Variants in SYT16 observed in about 807,000 individuals in gnomAD.
The protein encoded by SYT16 is synaptotagmin 16.
SYT16 carries 42 observed loss-of-function variants against 61.4 expected under a neutral mutation model. That is an observed-to-expected ratio of 0.68 (90% CI 0.53 to 0.89). The LOEUF (loss-of-function observed/expected upper bound fraction) is 0.89, where lower values mean the gene tolerates loss of function less well. SYT16 is among the 40% of genes least tolerant of loss of function. The pLI is 0.00. For missense variants in SYT16, 804 were observed against 807.3 expected (o/e 1.00, Z 0.05); for synonymous variants, 314 against 302.3 (o/e 1.04, Z -0.40).
intron 3 of SYT16, among the ~76,000 whole-genome samples, chr14:62,061,221 A>G (rs1259333541): frequency 6.6e-6 from 1 of 152,094 alleles, no homozygotes; most frequent in Admixed American, 6.5e-5. Flanking sequence ...CCCTAGAACA[A>G]CCGTTGACAG....
chr14:61,889,588 CCCTCTCTCTCTCTCTCT>C (rs1566655441), intron 1 of SYT16, among the ~76,000 whole-genome samples: 8 of 148,010 alleles, frequency 5.4e-5, no homozygotes, highest in African/African-American at 2.0e-4. Flanking sequence ...CGCTCTTGCT[CCCTCTCTCTCTCTCTCT>C]GTCTCCCTCC....
chr14:61,864,438 C>T (rs1305006988), intron 1 of SYT16, among the ~76,000 whole-genome samples: 1 of 152,248 alleles, frequency 6.6e-6, no homozygotes, highest in Non-Finnish European at 1.5e-5. Context: ...CAGACACGTG[C>T]TAGTCGTGGG....
At chr14:62,011,459 C>G (rs959481286) in intron 3 of SYT16, among the ~76,000 whole-genome samples, 6 of 152,134 alleles carry the variant, frequency 3.9e-5, no homozygotes, top group Admixed American at 6.5e-5. Flanking sequence ...GCTTGATTCA[C>G]GTGGCTTGAC....
At chr14:61,841,580 T>C (rs1191738093) in intron 1 of SYT16, among the ~76,000 whole-genome samples, 1 of 152,188 alleles carries the variant, frequency 6.6e-6, no homozygotes, top group Non-Finnish European at 1.5e-5. Flanking sequence ...GTATTACATG[T>C]GTAATGGTGG....
At chr14:61,865,871 C>A (rs989627682) in intron 1 of SYT16, among the ~76,000 whole-genome samples, 3 of 151,984 alleles carry the variant, frequency 2.0e-5, no homozygotes, top group Non-Finnish European at 4.4e-5. Flanking sequence ...AGTCAAAATG[C>A]TTTCTAAATC....
In SYT16 at chr14:61,938,518, C is replaced by A. The variant is rs142482841; in HGVS notation, c.-324-31614C>A. Among the ~76,000 whole-genome samples the A allele has an allele frequency of 4.9e-3, 739 of 152,204 alleles. 8 individuals are homozygous for A. Among genetic ancestry groups the A allele is most frequent in the African/African-American group, 0.016 (679 of 41,538 alleles). Reference sequence around the variant, plus strand: ...GGCCTAGAAATGAATAAATAATGCTCTCTCCAGGGCAATGCGCTGAGGTTG... The same window carrying A: ...GGCCTAGAAATGAATAAATAATGCTATCTCCAGGGCAATGCGCTGAGGTTG... On this transcript the variant is annotated intron_variant, in intron 1 of 7. Transcript: ENST00000683842.
At chr14:61,947,682 TATG>T (rs978326777) in intron 1 of SYT16, among the ~76,000 whole-genome samples, 6 of 152,194 alleles carry the variant, frequency 3.9e-5, no homozygotes, top group African/African-American at 1.4e-4. Flanking sequence ...GCATCAGGAA[TATG>T]ATGATGAATA....
intron 1 of SYT16, among the ~76,000 whole-genome samples, chr14:61,933,928 C>CAT (rs1316573657): frequency 6.6e-6 from 1 of 151,956 alleles, no homozygotes; most frequent in African/African-American, 2.4e-5. Context: ...TGTATATATA[C>CAT]ATATATATAC....
At chr14:61,874,544 T>C (rs558048177) in intron 1 of SYT16, among the ~76,000 whole-genome samples, 5 of 152,338 alleles carry the variant, frequency 3.3e-5, no homozygotes, top group African/African-American at 1.2e-4. Flanking sequence ...ATTTCTTTCT[T>C]GTGTCATCAC....
At chr14:61,992,096 A>G (rs1370150408) in intron 2 of SYT16, among the ~76,000 whole-genome samples, 1 of 152,124 alleles carries the variant, frequency 6.6e-6, no homozygotes, top group Non-Finnish European at 1.5e-5. Flanking sequence ...AAGACTGACA[A>G]ATATCCATTA....
chr14:61,959,602 G>T (rs563949775), intron 1 of SYT16, among the ~76,000 whole-genome samples: 1 of 152,146 alleles, frequency 6.6e-6, no homozygotes, highest in East Asian at 1.9e-4. Context: ...AATTTCTGTG[G>T]TTATAGTTAT....
Position 62,028,911 on chromosome 14 carries a change from G to T in SYT16, c.523+32369G>T, listed in dbSNP as rs114166861. Among the ~76,000 whole-genome samples the T allele has an allele frequency of 7.4e-3, 1,127 of 152,298 alleles. 10 individuals are homozygous for T. Among genetic ancestry groups the T allele is most frequent in the African/African-American group, 0.026 (1,065 of 41,566 alleles). On this transcript the variant is annotated intron_variant, in intron 3 of 7. Coordinates refer to ENST00000683842, the MANE Select transcript of SYT16 (RefSeq NM_001367656.1). ...AAAGTGTAATTCAGAAAAAGTAGGAGAAACTGAGTGGAATTTATCAGGTGA... is the reference window on the plus strand; with the variant it reads ...AAAGTGTAATTCAGAAAAAGTAGGATAAACTGAGTGGAATTTATCAGGTGA...
intron 7 of SYT16, 41 bp from the exon 8 acceptor site, chr14:62,100,353 T>G (rs2057388816): frequency 6.7e-7 from 1 of 1,498,468 alleles, no homozygotes; most frequent in Non-Finnish European, 8.9e-7. Context: ...AGCACTAATG[T>G]TTCTTATCAT....
intron 1 of SYT16, among the ~76,000 whole-genome samples, chr14:61,943,909 AG>A (rs2050314252): frequency 6.6e-6 from 1 of 152,190 alleles, no homozygotes; most frequent in Admixed American, 6.5e-5. Flanking sequence ...AAAGAAATAA[AG>A]GGTATTCAAA....
rs2047115229 is a variant in SYT16, at chr14:61,865,372, G to C, written c.-325+52562G>C. ...GAAAGGGAAACAGGGCACACAAGAA[G>C]GGGCTGCTCTCCTCATTTATGTGAT... On this transcript the variant is annotated intron_variant, in intron 1 of 7. Coordinates refer to ENST00000683842, the MANE Select transcript of SYT16 (RefSeq NM_001367656.1). 3 of 642,268 alleles carry C rather than the reference G, an allele frequency of 4.7e-6. No homozygotes were observed. In the Admixed American group the frequency reaches 5.9e-5, roughly 13 times the overall value. 39.8% of individuals were successfully genotyped at this position (642,268 alleles called of 1,614,324 possible).
At chr14:62,002,114 C>CT (rs1292372699) in intron 3 of SYT16, among the ~76,000 whole-genome samples, 1 of 151,810 alleles carries the variant, frequency 6.6e-6, no homozygotes, top group African/African-American at 2.4e-5. Flanking sequence ...TTCTTTGTTT[C>CT]TTTTTTGTTT....
chr14:62,070,348 C>T (rs562020957), intron 4 of SYT16, among the ~76,000 whole-genome samples: 4 of 152,210 alleles, frequency 2.6e-5, no homozygotes, highest in African/African-American at 7.2e-5. Flanking sequence ...TAACCTTTTT[C>T]AAACAGCACA....
chr14:61,980,611 G>A (rs2052026550), intron 2 of SYT16, among the ~76,000 whole-genome samples: 1 of 152,190 alleles, frequency 6.6e-6, no homozygotes, highest in Admixed American at 6.5e-5. Flanking sequence ...ATTATTCGTT[G>A]TGAAGCTATG....
At chr14:62,087,486 C>T (rs903956315) in intron 7 of SYT16, among the ~76,000 whole-genome samples, 8 of 152,102 alleles carry the variant, frequency 5.3e-5, no homozygotes, top group African/African-American at 9.7e-5. Flanking sequence ...CCCGACGGGG[C>T]GGTCATGATC....
Sources: gnomAD v4.1 joint callset for allele counts (sites outside exome capture counted in the v4.1 genomes callset) on GRCh38, gnomAD v4.1.1 for gene constraint, MANE v1.5 for transcripts, NCBI Gene and HGNC (gene_info 2026-07-23, HGNC 2026-07-21) for gene names.